The following DNAJC13 variants were observed in gnomAD, a reference collection of about 807,000 sequenced individuals.
DNAJC13 encodes the protein dnaJ homolog subfamily C member 13.
Under a neutral mutation model 290.5 loss-of-function variants are expected in DNAJC13, and 75 were observed. That is an observed-to-expected ratio of 0.26 (90% CI 0.21 to 0.31). The LOEUF (loss-of-function observed/expected upper bound fraction) is 0.31. Among genes scored for constraint, DNAJC13 ranks in the 10% least tolerant of loss-of-function variants. DNAJC13 has a pLI of 1.00. For synonymous variants in DNAJC13, 862 were observed against 892.0 expected (o/e 0.97, Z 0.60); for missense variants, 2,260 against 2,674.5 (o/e 0.85, Z 3.42).
At chr3:132,436,243 C>T (rs762743159) in intron 2 of DNAJC13, among the ~76,000 whole-genome samples, 1 of 152,140 alleles carries the variant, frequency 6.6e-6, no homozygotes, top group African/African-American at 2.4e-5. Context: ...TTTTGGCAGG[C>T]GTTAATCTAC....
intron 42 of DNAJC13, 30 bp from the exon 43 acceptor site, chr3:132,507,207 T>C (rs776623109): frequency 3.0e-5 from 40 of 1,345,062 alleles, no homozygotes; most frequent in Non-Finnish European, 4.3e-5. Context: ...GATTTACATC[T>C]AACAGTCTAT....
intron 40 of DNAJC13, among the ~76,000 whole-genome samples, chr3:132,502,702 T>C (rs755540277): frequency 8.5e-5 from 13 of 152,236 alleles, no homozygotes; most frequent in Non-Finnish European, 1.8e-4. Flanking sequence ...GGACATAATT[T>C]AATAATTTCT....
chr3:132,479,223 A>G lies in DNAJC13; in HGVS notation c.2710-4A>G. 4 of 1,593,554 alleles carry G rather than the reference A, an allele frequency of 2.5e-6. No individual in the cohort carries two copies. The highest frequency in any genetic ancestry group is 3.4e-6 in the Non-Finnish European group (4 of 1,162,896). On this transcript the variant is annotated splice_region_variant and splice_polypyrimidine_tract_variant and intron_variant, in intron 24 of 55. Coordinates refer to ENST00000260818, the MANE Select transcript of DNAJC13 (RefSeq NM_015268.4). ...TCTGACCAGATTCTCATTTATTTCA[A>G]TAGTGCACAGATAAACTTGAACGAG...
chr3:132,434,220 A>AC (rs1028787868), intron 1 of DNAJC13, among the ~76,000 whole-genome samples: 1 of 151,010 alleles, frequency 6.6e-6, no homozygotes, highest in Non-Finnish European at 1.5e-5. Context: ...AAAAAAAAAA[A>AC]ACAAAAAACA....
chr3:132,467,529 G>C (rs568312816), intron 20 of DNAJC13, among the ~76,000 whole-genome samples: 1 of 152,054 alleles, frequency 6.6e-6, no homozygotes, highest in Non-Finnish European at 1.5e-5. Context: ...GCAGTGGAGC[G>C]ATCTCGTCTC....
chr3:132,427,205 C>T lies in DNAJC13; in HGVS notation c.-13-7333C>T, dbSNP rs945045038. On this transcript the variant is annotated intron_variant, in intron 1 of 55. Transcript: ENST00000260818. ...CGAGTGCAGTGGCAAGATGAGGGCT[C>T]GCTCACTGCAGCCTCAGCCTCCCAG... Among the ~76,000 whole-genome samples, 7 of 150,250 alleles carry T rather than the reference C, an allele frequency of 4.7e-5. No homozygotes were observed. In the East Asian group the frequency reaches 1.4e-3, roughly 29 times the overall value.
chr3:132,514,445 C>A, intron 45 of DNAJC13, 126 bp from the exon 46 acceptor site: 1 of 607,806 alleles, frequency 1.6e-6, no homozygotes, highest in Non-Finnish European at 2.8e-6. Flanking sequence ...AAATTAAACT[C>A]TTATCTAAAA....
intron 1 of DNAJC13, among the ~76,000 whole-genome samples, chr3:132,418,065 C>T (rs945959448): frequency 2.0e-5 from 3 of 152,124 alleles, no homozygotes; most frequent in African/African-American, 7.2e-5. Flanking sequence ...CCCACAGGCT[C>T]TTCATTCCCT....
chr3:132,418,601 C>CT (rs1938868514), intron 1 of DNAJC13, among the ~76,000 whole-genome samples: 1 of 152,178 alleles, frequency 6.6e-6, no homozygotes, highest in Admixed American at 6.5e-5. Context: ...TTTCCCTCTG[C>CT]TTTTCCCTTT....
chr3:132,497,640 G>T (rs747679274), intron 36 of DNAJC13, among the ~76,000 whole-genome samples: 1 of 152,192 alleles, frequency 6.6e-6, no homozygotes, highest in Non-Finnish European at 1.5e-5. Context: ...ATCAGAATGA[G>T]TTTGGAAACC....
At position 132,456,821 on chromosome 3, in the gene DNAJC13, T is replaced by C; in HGVS notation, c.1338T>C (p.Thr446=). 1 of 1,612,080 alleles carries C rather than the reference T, an allele frequency of 6.2e-7. No individual in the cohort carries two copies. Among genetic ancestry groups the C allele is most frequent in the Non-Finnish European group, 8.5e-7 (1 of 1,179,244 alleles). The change falls in exon 12 of 56, where the codon ACT becomes ACC. Residue 446 remains threonine, a synonymous_variant. Transcript: ENST00000260818. ...VASKAGFLAF[T]QLPKFRERLG... ...CCAAAGCTGGTTTCCTGGCTTTCAC[T>C]CAGCTTCCAAAGTAAGTTGTCTTCT...
At chr3:132,432,288 C>T (rs1471582077) in intron 1 of DNAJC13, among the ~76,000 whole-genome samples, 1 of 151,962 alleles carries the variant, frequency 6.6e-6, no homozygotes, top group African/African-American at 2.4e-5. Flanking sequence ...CTGCAACCTC[C>T]ACCTCCCGGG....
intron 8 of DNAJC13, 35 bp downstream of exon 8, chr3:132,453,729 C>G (rs185229166): frequency 6.6e-7 from 1 of 1,517,530 alleles, no homozygotes; most frequent in East Asian, 2.3e-5. Context: ...AATGAGATTT[C>G]TTTCTATTGA....
At chr3:132,531,871 G>A (rs189259365) in intron 55 of DNAJC13, among the ~76,000 whole-genome samples, 22 of 152,160 alleles carry the variant, frequency 1.4e-4, no homozygotes, top group Admixed American at 1.1e-3. Flanking sequence ...AGGGTGTGTC[G>A]TTTTATGGGG....
intron 48 of DNAJC13, among the ~76,000 whole-genome samples, chr3:132,519,743 G>T (rs1936027870): frequency 6.6e-6 from 1 of 151,854 alleles, no homozygotes; most frequent in Non-Finnish European, 1.5e-5. Context: ...TTATGTTTTT[G>T]ATCCATTTGA....
At chr3:132,476,233 GA>G (rs1488604607) in intron 22 of DNAJC13, among the ~76,000 whole-genome samples, 1 of 152,054 alleles carries the variant, frequency 6.6e-6, no homozygotes, top group Non-Finnish European at 1.5e-5. Flanking sequence ...CTCATAATTG[GA>G]TATCTGATAA....
At chr3:132,523,478 G>A in intron 50 of DNAJC13, 62 bp from the exon 51 acceptor site, 2 of 1,520,926 alleles carry the variant, frequency 1.3e-6, no homozygotes, top group South Asian at 2.5e-5. Context: ...CTTTAATATG[G>A]TGTGCATTTC....
At position 132,453,419 on chromosome 3, in the gene DNAJC13, A is replaced by G; in HGVS notation, c.659A>G (p.Asn220Ser). Reference sequence around the variant, plus strand: ...CCTTTAGAATTCGAGCAATATTTGAATCTTCGCTTTGGAAAATACAGCACT... The same window carrying G: ...CCTTTAGAATTCGAGCAATATTTGAGTCTTCGCTTTGGAAAATACAGCACT... The part of the protein sequence containing the change: ...KEPLEFEQYL[N>S]LRFGKYSTDE... The change falls in exon 7 of 56, where the codon AAT becomes AGT. Residue 220 changes from asparagine (N) to serine (S), a missense_variant. Physicochemically the swap from Asn to Ser is conservative, Grantham distance 46. Transcript: ENST00000260818. 1 of 1,614,008 alleles carries G rather than the reference A, an allele frequency of 6.2e-7. No individual in the cohort carries two copies. Among genetic ancestry groups the G allele is most frequent in the East Asian group, 2.2e-5 (1 of 44,824 alleles).
chr3:132,457,426 T>A (rs759076891), intron 13 of DNAJC13, 58 bp downstream of exon 13: 4 of 1,332,310 alleles, frequency 3.0e-6, no homozygotes, highest in Non-Finnish European at 4.3e-6. Flanking sequence ...GTGGTTTTGA[T>A]TTCCACAGTC....
Sources: gnomAD v4.1 joint callset for allele counts (sites outside exome capture counted in the v4.1 genomes callset) on GRCh38, gnomAD v4.1.1 for gene constraint, MANE v1.5 for transcripts, NCBI Gene and HGNC (gene_info 2026-07-23, HGNC 2026-07-21) for gene names.